Variants in CBLB observed in about 807,000 individuals in gnomAD.
CBLB encodes Cbl proto-oncogene B.
In CBLB, 31 loss-of-function variants were observed where a neutral mutation model predicts 104.9. The ratio of observed to expected loss-of-function variants is 0.30; its 90% CI spans 0.22 to 0.40. The LOEUF is 0.40. CBLB is among the 10% of genes least tolerant of loss of function. The probability of loss-of-function intolerance (pLI) is 1.00; values close to 1 mark genes in which losing one functional copy is unlikely to be tolerated. For synonymous variants in CBLB, 440 were observed against 422.6 expected (o/e 1.04, Z -0.51); for missense variants, 1,062 against 1,214.6 (o/e 0.87, Z 1.87).
intron 3 of CBLB, among the ~76,000 whole-genome samples, chr3:105,799,177 CAA>C (rs11372400): frequency 2.8e-5 from 2 of 70,190 alleles, no homozygotes; most frequent in Non-Finnish European, 6.6e-5. Context: ...TGACAAAGAA[CAA>C]AAAAAAAAAA....
Position 105,657,610 on chromosome 3 carries a change from C to T in CBLB, c.*1360G>A, listed in dbSNP as rs2063432197. ...AGTTTGTGCTTTAAAAACACAGTGC[C>T]TAACAGCACCAAGCATATCATAGAT... On this transcript the variant is annotated 3_prime_UTR_variant, in exon 19 of 19. Coordinates refer to ENST00000394030, the MANE Select transcript of CBLB (RefSeq NM_170662.5). 4.9e-6 allele frequency: 1 copy of T among 203,934 alleles called. No homozygotes were observed. The highest frequency in any genetic ancestry group is 2.3e-5 in the African/African-American group (1 of 43,710). 12.6% of individuals were successfully genotyped at this position (203,934 alleles called of 1,614,324 possible). A position where few individuals can be genotyped will look rare whatever the true frequency, so the allele number is the denominator to read the frequency against.
In CBLB at chr3:105,868,178, A is replaced by C. The variant is rs1262269310; in HGVS notation, c.-15+558T>G. The C allele has an allele frequency of 7.3e-6, 9 of 1,228,020 alleles. No homozygotes were observed. In the Admixed American group the frequency reaches 1.7e-4, roughly 23 times the overall value. The allele number at this position is 1,228,020 out of a possible 1,614,324, so 76.1% of individuals were successfully genotyped here. On this transcript the variant is annotated intron_variant, in intron 1 of 18. Transcript: ENST00000394030. The stretch of plus-strand genomic sequence containing the variant: ...ACGGACACACGAACACCTTTCTTTA[A>C]ATCAACGCGGTGAGTCGTTATTCCC...
In CBLB at chr3:105,678,463, G is replaced by A. The variant is rs761900979; in HGVS notation, c.2537C>T (p.Ser846Phe). ...SKPPGSSSRP[S>F]SGQDLFLLPS... is the part of the protein sequence containing the mutation. ...AAGAAGAAAAAGATCCTGTCCTGAG[G>A]ATGGCCGGCTACTGGAGCCAGGAGG... The change falls in exon 17 of 19, where the codon TCC becomes TTC. Residue 846 changes from serine (S) to phenylalanine (F), a missense_variant. Coordinates refer to ENST00000394030, the MANE Select transcript of CBLB (RefSeq NM_170662.5). 6 of 1,614,050 alleles carry A rather than the reference G, an allele frequency of 3.7e-6. No individual in the cohort carries two copies. The South Asian group carries it at 5.5e-5, about 15-fold the overall frequency.
In CBLB at chr3:105,736,243, C is replaced by A. The variant is rs538755015; in HGVS notation, c.1071+928G>T. On this transcript the variant is annotated intron_variant, in intron 8 of 18. Transcript: ENST00000394030. ...AGTTCTCCCTTCATCCCCTCCCTCA[C>A]TGCTCAATCCCTTTTCACCTCCTCA... Among the ~76,000 whole-genome samples, 4 of 152,282 alleles carry A rather than the reference C, an allele frequency of 2.6e-5. No homozygotes were observed. The South Asian group carries it at 8.3e-4, about 32-fold the overall frequency.
chr3:105,817,231 A>G (rs2085190609), intron 3 of CBLB, among the ~76,000 whole-genome samples: 1 of 152,204 alleles, frequency 6.6e-6, no homozygotes, highest in Non-Finnish European at 1.5e-5. Flanking sequence ...GCTTTAGCAC[A>G]TTGGGGAGCA....
At position 105,752,262 on chromosome 3, in the gene CBLB, T is replaced by G. The variant is rs373357468; in HGVS notation, c.567-644A>C. On this transcript the variant is annotated intron_variant, in intron 4 of 18. Transcript: ENST00000394030. ...ATTACTTTATTCTGACTGAATATCA[T>G]TCGACAAAATTTTAACATGTTATGC... Among the ~76,000 whole-genome samples, 71 of 152,338 alleles carry G rather than the reference T, an allele frequency of 4.7e-4. 2 individuals are homozygous for G. The South Asian group carries it at 0.014, about 29-fold the overall frequency.
At position 105,754,513 on chromosome 3, in the gene CBLB, GAGAGAGAGAC is replaced by G. The variant is rs1348150580; in HGVS notation, c.567-2905_567-2896del. On this transcript the variant is annotated intron_variant, in intron 4 of 18. Transcript: ENST00000394030. ...AAGGGAAGAGAGAGAGAGAGAGAGA[GAGAGAGAGAC>G]AGAGAGAGAGAGAGAGAGAGAGAGA... Among the ~76,000 whole-genome samples, 758 of 102,994 alleles carry G rather than the reference GAGAGAGAGAC, an allele frequency of 7.4e-3. 5 individuals carry two copies. Among genetic ancestry groups the G allele is most frequent in the African/African-American group, 0.024 (605 of 24,844 alleles). 67.6% of individuals were successfully genotyped at this position (102,994 alleles called of 152,430 possible).
intron 13 of CBLB, among the ~76,000 whole-genome samples, chr3:105,689,077 T>C (rs1169802574): frequency 6.6e-6 from 1 of 152,094 alleles, no homozygotes; most frequent in Non-Finnish European, 1.5e-5. Context: ...TATCATTATT[T>C]ATCCTCTTCC....
chr3:105,729,041 AT>A (rs2074011585), intron 9 of CBLB, among the ~76,000 whole-genome samples: 1 of 152,154 alleles, frequency 6.6e-6, no homozygotes, highest in African/African-American at 2.4e-5. Context: ...GCAGAGTATG[AT>A]TTATGGTCAG....
At chr3:105,867,333 A>C in intron 2 of CBLB, 77 bp downstream of exon 2, 1 of 1,244,196 alleles carries the variant, frequency 8.0e-7, no homozygotes, top group East Asian at 2.3e-5. Flanking sequence ...GGTATTAATT[A>C]ACAGTATAAA....
chr3:105,796,366 G>A (rs2082255839), intron 3 of CBLB, among the ~76,000 whole-genome samples: 1 of 152,052 alleles, frequency 6.6e-6, no homozygotes, highest in African/African-American at 2.4e-5. Context: ...TTCAATAAAT[G>A]GGTGCTAGGC....
intron 3 of CBLB, among the ~76,000 whole-genome samples, chr3:105,822,879 G>T (rs2086073911): frequency 6.6e-6 from 1 of 152,124 alleles, no homozygotes; most frequent in Non-Finnish European, 1.5e-5. Flanking sequence ...AACAAACATA[G>T]TTGCTTCCCC....
intron 9 of CBLB, among the ~76,000 whole-genome samples, chr3:105,727,213 T>C (rs2073768557): frequency 6.6e-6 from 1 of 152,214 alleles, no homozygotes. Context: ...CTCCAGCATC[T>C]GTTGTTTCCT....
chr3:105,783,045 T>C (rs1215151480), intron 3 of CBLB, among the ~76,000 whole-genome samples: 1 of 152,246 alleles, frequency 6.6e-6, no homozygotes, highest in African/African-American at 2.4e-5. Flanking sequence ...TGCCAGCCTA[T>C]GATGCTCAAT....
chr3:105,664,425 T>C (rs1308836675), intron 18 of CBLB, among the ~76,000 whole-genome samples: 1 of 152,192 alleles, frequency 6.6e-6, no homozygotes, highest in Non-Finnish European at 1.5e-5. Flanking sequence ...TGAGATAGAA[T>C]TGACATATTG....
chr3:105,699,680 G>T (rs2068827473), intron 12 of CBLB, among the ~76,000 whole-genome samples: 1 of 152,108 alleles, frequency 6.6e-6, no homozygotes, highest in Admixed American at 6.5e-5. Context: ...TCTAAGTTCT[G>T]GTATGCCCTA....
chr3:105,769,878 T>C (rs1165272675), intron 4 of CBLB, among the ~76,000 whole-genome samples: 2 of 152,046 alleles, frequency 1.3e-5, no homozygotes, highest in Admixed American at 6.5e-5. Flanking sequence ...CTAAGAACAA[T>C]AGGATAGGTT....
At chr3:105,726,933 T>A (rs1372265262) in intron 9 of CBLB, among the ~76,000 whole-genome samples, 1 of 152,252 alleles carries the variant, frequency 6.6e-6, no homozygotes, top group Admixed American at 6.5e-5. Flanking sequence ...GTGCCACATT[T>A]TCTTTATCCA....
chr3:105,739,301 T>G (rs1460759156), intron 7 of CBLB, among the ~76,000 whole-genome samples: 2 of 152,210 alleles, frequency 1.3e-5, no homozygotes, highest in African/African-American at 4.8e-5. Context: ...TGCAATTACT[T>G]TGATAAAGGT....
Sources: allele counts gnomAD v4.1 joint callset (sites outside exome capture counted in the v4.1 genomes callset), GRCh38; gene constraint gnomAD v4.1.1; transcripts MANE v1.5; gene names NCBI Gene and HGNC (gene_info 2026-07-23, HGNC 2026-07-21).